Variants in SCG3 observed in about 807,000 individuals in gnomAD.
SCG3 encodes secretogranin III.
A neutral mutation model predicts 56.2 loss-of-function variants in SCG3; 38 were observed. The ratio of observed to expected loss-of-function variants is 0.68; its 90% CI spans 0.52 to 0.89. The LOEUF (loss-of-function observed/expected upper bound fraction) is 0.89. Ranked by LOEUF, SCG3 falls within the 40% of genes least tolerant of loss-of-function variation. The pLI is 0.00. For missense variants in SCG3, 524 were observed against 540.7 expected (o/e 0.97, Z 0.31); for synonymous variants, 176 against 184.2 (o/e 0.96, Z 0.36).
intron 11 of SCG3, among the ~76,000 whole-genome samples, chr15:51,713,956 C>T (rs1238172607): frequency 2.0e-5 from 3 of 152,096 alleles, no homozygotes; most frequent in East Asian, 1.9e-4. Flanking sequence ...TGTGTTACTG[C>T]CAAGGAGGTG....
chr15:51,688,579 A>C (rs191082073), intron 5 of SCG3, among the ~76,000 whole-genome samples, 177 bp downstream of exon 5: 2 of 152,228 alleles, frequency 1.3e-5, no homozygotes. Context: ...TTTATCATCC[A>C]TCAGAAGAAC....
At chr15:51,687,947 G>A (rs2055239883) in intron 4 of SCG3, among the ~76,000 whole-genome samples, 2 of 152,128 alleles carry the variant, frequency 1.3e-5, no homozygotes, top group Admixed American at 1.3e-4. Context: ...GGCATACTAT[G>A]TTAATAAAAA....
At chr15:51,712,160 G>A (rs2055424905) in intron 10 of SCG3, among the ~76,000 whole-genome samples, 1 of 152,166 alleles carries the variant, frequency 6.6e-6, no homozygotes, top group Admixed American at 6.5e-5. Context: ...GAATAAATGA[G>A]ACAATGCATT....
chr15:51,703,975 G>C (rs987438952), intron 10 of SCG3, among the ~76,000 whole-genome samples: 3 of 151,504 alleles, frequency 2.0e-5, no homozygotes, highest in African/African-American at 7.3e-5. Context: ...CATAGCTGAT[G>C]TGTCAACTCC....
At chr15:51,709,096 G>C (rs1356023361) in intron 10 of SCG3, among the ~76,000 whole-genome samples, 2 of 152,190 alleles carry the variant, frequency 1.3e-5, no homozygotes, top group Admixed American at 1.3e-4. Context: ...CAATTCCACA[G>C]GGCTGAGGAG....
chr15:51,694,752 C>T (rs1056186540), intron 7 of SCG3, among the ~76,000 whole-genome samples: 8 of 152,088 alleles, frequency 5.3e-5, no homozygotes, highest in Admixed American at 3.3e-4. Flanking sequence ...CCCAAGAGGC[C>T]GAGCGCGGTG....
At chr15:51,706,371 A>G (rs534436252) in intron 10 of SCG3, among the ~76,000 whole-genome samples, 7 of 152,214 alleles carry the variant, frequency 4.6e-5, no homozygotes, top group Non-Finnish European at 8.8e-5. Context: ...TCCTTAACTC[A>G]TATGCTGGCA....
intron 10 of SCG3, among the ~76,000 whole-genome samples, chr15:51,703,002 T>A (rs534668437): frequency 3.9e-5 from 6 of 152,158 alleles, no homozygotes; most frequent in Non-Finnish European, 7.4e-5. Flanking sequence ...AGAGAGTGGG[T>A]CAGTGCTCTC....
chr15:51,706,528 A>G (rs1276828488), intron 10 of SCG3, among the ~76,000 whole-genome samples: 2 of 152,084 alleles, frequency 1.3e-5, no homozygotes, highest in Non-Finnish European at 2.9e-5. Flanking sequence ...AAAACCACTT[A>G]AGGAAATAAT....
intron 10 of SCG3, among the ~76,000 whole-genome samples, chr15:51,709,881 C>A (rs1179208155): frequency 7.6e-6 from 1 of 131,780 alleles, no homozygotes; most frequent in Non-Finnish European, 1.6e-5. Flanking sequence ...CCAACACGCC[C>A]GGCTAATTTT....
chr15:51,703,373 A>G (rs1040043242), intron 10 of SCG3, among the ~76,000 whole-genome samples: 2 of 152,244 alleles, frequency 1.3e-5, no homozygotes, highest in African/African-American at 4.8e-5. Context: ...AAGAATACCA[A>G]TAAAATTACA....
At chr15:51,708,857 T>TAA (rs371874379) in intron 10 of SCG3, among the ~76,000 whole-genome samples, 12 of 144,978 alleles carry the variant, frequency 8.3e-5, no homozygotes, top group South Asian at 4.4e-4. Context: ...AGACTCCATC[T>TAA]AAAAAAAAAA....
intron 11 of SCG3, among the ~76,000 whole-genome samples, chr15:51,715,831 C>T (rs1025499956): frequency 2.0e-5 from 3 of 152,070 alleles, no homozygotes; most frequent in African/African-American, 7.2e-5. Context: ...AATCACTGGA[C>T]CTCTTCACAT....
chr15:51,698,083 A>G (rs1035534355), intron 8 of SCG3, among the ~76,000 whole-genome samples: 8 of 152,214 alleles, frequency 5.3e-5, no homozygotes, highest in Non-Finnish European at 1.2e-4. Flanking sequence ...TATGGCCACT[A>G]TTTCCAAAAA....
chr15:51,714,921 C>A (rs1232503815), intron 11 of SCG3, among the ~76,000 whole-genome samples: 1 of 152,152 alleles, frequency 6.6e-6, no homozygotes, highest in Non-Finnish European at 1.5e-5. Flanking sequence ...TAAAAATGCA[C>A]CATTGTTTTA....
At chr15:51,684,218 T>C (rs556134117) in intron 4 of SCG3, among the ~76,000 whole-genome samples, 1 of 152,320 alleles carries the variant, frequency 6.6e-6, no homozygotes, top group African/African-American at 2.4e-5. Context: ...TTTTTCTCTG[T>C]ACTTGTCCAA....
At chr15:51,684,487 G>C (rs1051556744) in intron 4 of SCG3, among the ~76,000 whole-genome samples, 1 of 152,202 alleles carries the variant, frequency 6.6e-6, no homozygotes, top group Non-Finnish European at 1.5e-5. Context: ...TGAGGCAGGA[G>C]AATCACTTGA....
At chr15:51,682,605 T>C in intron 2 of SCG3, 36 bp downstream of exon 2, 1 of 1,125,822 alleles carries the variant, frequency 8.9e-7, no homozygotes, top group Non-Finnish European at 1.3e-6. Flanking sequence ...GCTATTTCAT[T>C]TTGATTTAGT....
chr15:51,683,782 C>A lies in SCG3; in HGVS notation c.397+348C>A, dbSNP rs533240905. 5.9e-5 allele frequency among the ~76,000 whole-genome samples: 9 copies of A among 152,260 alleles called. No homozygotes were observed. In the East Asian group the frequency reaches 1.7e-3, roughly 29 times the overall value. ...AATAATTAGATCAGTAAAGTACCCT[C>A]CCACCCTGCACAAAAAAGGTGAAAT... On this transcript the variant is annotated intron_variant, in intron 4 of 11. Transcript: ENST00000220478.
Sources: gnomAD v4.1 joint callset for allele counts (sites outside exome capture counted in the v4.1 genomes callset) on GRCh38, gnomAD v4.1.1 for gene constraint, MANE v1.5 for transcripts, NCBI Gene and HGNC (gene_info 2026-07-23, HGNC 2026-07-21) for gene names.